The following RPTOR variants were observed in gnomAD, a reference collection of about 807,000 sequenced individuals.
The protein encoded by RPTOR is regulatory associated protein of MTOR complex 1, also known as regulatory-associated protein of mTOR.
A neutral mutation model predicts 169.9 loss-of-function variants in RPTOR; 21 were observed. The observed-to-expected ratio is 0.12, with a 90% CI of 0.09 to 0.18. RPTOR has a LOEUF of 0.18. RPTOR is among the 10% of genes least tolerant of loss of function. RPTOR has a pLI of 1.00. For synonymous variants in RPTOR, 732 were observed against 753.2 expected, an observed-to-expected ratio of 0.97 and a Z score of 0.46; for missense variants, 1,133 against 1,855.9, an observed-to-expected ratio of 0.61 and a Z score of 7.16.
At chr17:80,563,221 T>A (rs1400648032) in intron 1 of RPTOR, among the ~76,000 whole-genome samples, 1 of 76,842 alleles carries the variant, frequency 1.3e-5, no homozygotes, top group Non-Finnish European at 2.8e-5. Context: ...AGAGTTTTTT[T>A]TTTTAATTTT....
chr17:80,596,857 A>G (rs954799072), intron 1 of RPTOR, among the ~76,000 whole-genome samples: 1 of 152,176 alleles, frequency 6.6e-6, no homozygotes, highest in Non-Finnish European at 1.5e-5. Flanking sequence ...TCAAAGCAAA[A>G]TGTAATTTCC....
chr17:80,951,459 C>T (rs748009216), intron 28 of RPTOR, among the ~76,000 whole-genome samples: 6 of 152,184 alleles, frequency 3.9e-5, no homozygotes, highest in African/African-American at 9.7e-5. Flanking sequence ...GCTCTCACTG[C>T]GGGGGAAGGC....
intron 6 of RPTOR, among the ~76,000 whole-genome samples, chr17:80,762,786 G>C (rs1172716832): frequency 6.6e-6 from 1 of 152,092 alleles, no homozygotes; most frequent in African/African-American, 2.4e-5. Flanking sequence ...CTAGAAGGAA[G>C]GGGAGAAACA....
chr17:80,729,025 C>G (rs187771350), intron 4 of RPTOR, among the ~76,000 whole-genome samples: 60 of 152,308 alleles, frequency 3.9e-4, no homozygotes, highest in African/African-American at 1.3e-3. Flanking sequence ...TCCACACACC[C>G]CCCACACATC....
At chr17:80,559,952 TC>T (rs2084458809) in intron 1 of RPTOR, among the ~76,000 whole-genome samples, 1 of 152,244 alleles carries the variant, frequency 6.6e-6, no homozygotes, top group Admixed American at 6.5e-5. Flanking sequence ...TCTAGAAATG[TC>T]AGCATTAGTC....
chr17:80,687,321 C>T (rs1431883589), intron 3 of RPTOR, among the ~76,000 whole-genome samples: 3 of 152,234 alleles, frequency 2.0e-5, no homozygotes, highest in Non-Finnish European at 2.9e-5. Flanking sequence ...CCATGGGGTG[C>T]TCCTTCAGAT....
chr17:80,855,375 G>T, intron 11 of RPTOR, 89 bp from the exon 12 acceptor site: 1 of 939,462 alleles, frequency 1.1e-6, no homozygotes, highest in Non-Finnish European at 1.7e-6. Context: ...TGGTCAGACC[G>T]CTCCAAAGCT....
intron 17 of RPTOR, among the ~76,000 whole-genome samples, chr17:80,890,739 C>T (rs974262579): frequency 2.0e-5 from 3 of 152,076 alleles, no homozygotes; most frequent in Non-Finnish European, 2.9e-5. Flanking sequence ...AGTGAGGGGC[C>T]GGCATCAGGG....
chr17:80,608,032 C>T (rs561712030), intron 1 of RPTOR, among the ~76,000 whole-genome samples: 10 of 152,232 alleles, frequency 6.6e-5, no homozygotes, highest in South Asian at 4.1e-4. Context: ...GTTTTGCTGA[C>T]GGTGTATTGC....
intron 2 of RPTOR, among the ~76,000 whole-genome samples, chr17:80,634,006 G>C (rs117246682): frequency 1.0e-3 from 154 of 152,190 alleles, no homozygotes; most frequent in Non-Finnish European, 1.8e-3. Context: ...TTGAACTGGC[G>C]TGCTATTGCT....
intron 1 of RPTOR, among the ~76,000 whole-genome samples, chr17:80,583,274 T>A (rs187476636): frequency 1.2e-3 from 183 of 149,520 alleles, no homozygotes; most frequent in Non-Finnish European, 2.1e-3. Context: ...TTGCAGCTTC[T>A]GCTTCCTTGG....
At chr17:80,793,988 G>T (rs767889370) in intron 7 of RPTOR, among the ~76,000 whole-genome samples, 2 of 152,170 alleles carry the variant, frequency 1.3e-5, no homozygotes, top group African/African-American at 2.4e-5. Context: ...CAAGATTTTG[G>T]TGTCAGAACA....
intron 4 of RPTOR, among the ~76,000 whole-genome samples, chr17:80,712,548 A>T (rs527405715): frequency 6.6e-6 from 1 of 152,360 alleles, no homozygotes; most frequent in Non-Finnish European, 1.5e-5. Context: ...TGAATGCAAC[A>T]CTGCTTCTTT....
intron 6 of RPTOR, among the ~76,000 whole-genome samples, chr17:80,783,273 C>T (rs990406617): frequency 6.6e-6 from 1 of 152,172 alleles, no homozygotes; most frequent in African/African-American, 2.4e-5. Flanking sequence ...TCTCTCTCTC[C>T]GTCTCTGTCC....
chr17:80,738,803 A>G (rs191881469), intron 5 of RPTOR, among the ~76,000 whole-genome samples: 18 of 152,268 alleles, frequency 1.2e-4, no homozygotes, highest in African/African-American at 4.3e-4. Context: ...TGAATAAACT[A>G]CCTTTAGTTG....
rs1174272108 is a variant in RPTOR at position 80,861,914 on chromosome 17, C to T, written c.1509+4014C>T. ...GTGACATTCTCACTGCATCCACAGC[C>T]CATCATGGTATTGCAGTGCAGGGCG... On this transcript the variant is annotated intron_variant, in intron 13 of 33. Coordinates refer to ENST00000306801, the MANE Select transcript of RPTOR (RefSeq NM_020761.3). This position sits in a 1 kb window ranked among gnomAD's most constrained non-coding sequence, Gnocchi z 4.5. Among the ~76,000 whole-genome samples, 2 of 152,160 alleles carry T rather than the reference C, an allele frequency of 1.3e-5. No homozygotes were observed. The highest frequency in any genetic ancestry group is 4.8e-5 in the African/African-American group (2 of 41,424).
intron 7 of RPTOR, among the ~76,000 whole-genome samples, chr17:80,821,774 C>T (rs770132677): frequency 2.8e-4 from 43 of 152,314 alleles, no homozygotes; most frequent in Non-Finnish European, 5.1e-4. Context: ...GTAGACCTTG[C>T]GGGCGAGACT....
intron 1 of RPTOR, among the ~76,000 whole-genome samples, chr17:80,581,883 C>T (rs1166146251): frequency 6.6e-6 from 1 of 152,198 alleles, no homozygotes; most frequent in East Asian, 1.9e-4. Context: ...AAATGGTGGC[C>T]AAGGGGAGTG....
chr17:80,753,976 C>A, intron 5 of RPTOR, 34 bp from the exon 6 acceptor site: 1 of 1,585,722 alleles, frequency 6.3e-7, no homozygotes, highest in African/African-American at 1.3e-5. Context: ...GCAGCTAAAT[C>A]ACACTCTCTT....
Sources: gnomAD v4.1 joint callset for allele counts (sites outside exome capture counted in the v4.1 genomes callset) on GRCh38, gnomAD v4.1.1 for gene constraint, Gnocchi (gnomAD v3.1) non-coding constraint, MANE v1.5 for transcripts, NCBI Gene and HGNC (gene_info 2026-07-23, HGNC 2026-07-21) for gene names.